The following CTNNBL1 variants were observed in gnomAD, a reference collection of about 807,000 sequenced individuals.
CTNNBL1 encodes the protein catenin beta like 1.
Under a neutral mutation model 72.7 loss-of-function variants are expected in CTNNBL1, and 31 were observed. That is an observed-to-expected ratio of 0.43 (90% confidence interval 0.32 to 0.58). The LOEUF is 0.58. Among genes scored for constraint, CTNNBL1 ranks in the 20% least tolerant of loss-of-function variants. The probability of loss-of-function intolerance (pLI) is 0.08; values close to 1 mark genes in which losing one functional copy is unlikely to be tolerated. For synonymous variants in CTNNBL1, 240 were observed against 267.3 expected (o/e 0.90, Z 1.00); for missense variants, 534 against 725.1 (o/e 0.74, Z 3.03).
intron 3 of CTNNBL1, among the ~76,000 whole-genome samples, chr20:37,743,911 CA>C (rs1233223828): frequency 6.6e-6 from 1 of 151,868 alleles, no homozygotes; most frequent in Non-Finnish European, 1.5e-5. Context: ...GCTCAGGATA[CA>C]TGTAAAATAG....
chr20:37,853,446 C>G (rs952951739), intron 13 of CTNNBL1, among the ~76,000 whole-genome samples: 1 of 152,136 alleles, frequency 6.6e-6, no homozygotes, highest in African/African-American at 2.4e-5. Flanking sequence ...CCTAGCCATC[C>G]GATCATGAGT....
chr20:37,813,101 G>C (rs1262365108), intron 11 of CTNNBL1, among the ~76,000 whole-genome samples: 1 of 152,212 alleles, frequency 6.6e-6, no homozygotes, highest in Non-Finnish European at 1.5e-5. Context: ...CATTGAAAAT[G>C]TTGGGGACGT....
intron 11 of CTNNBL1, among the ~76,000 whole-genome samples, chr20:37,809,438 A>G (rs1291131592): frequency 6.6e-6 from 1 of 152,194 alleles, no homozygotes. Context: ...GAGCCTTACA[A>G]CAGCCCCTCA....
At chr20:37,759,266 C>G (rs2073393836) in intron 5 of CTNNBL1, among the ~76,000 whole-genome samples, 1 of 152,174 alleles carries the variant, frequency 6.6e-6, no homozygotes, top group South Asian at 2.1e-4. Context: ...GTGGCACTTG[C>G]TCCTACTCTG....
At position 37,829,022 on chromosome 20, in the gene CTNNBL1, T is replaced by C. The variant is rs6021202; in HGVS notation, c.1214-11080T>C. Among the ~76,000 whole-genome samples the C allele has an allele frequency of 5.8e-3, 886 of 152,276 alleles. 9 individuals are homozygous for C. Among genetic ancestry groups the C allele is most frequent in the African/African-American group, 0.02 (850 of 41,542 alleles). ...AATCTGTATTCCAACACACCACTGCTGAAGTCAAGATCGATCTAGTTAGGG... is the reference window on the plus strand; with the variant it reads ...AATCTGTATTCCAACACACCACTGCCGAAGTCAAGATCGATCTAGTTAGGG... On this transcript the variant is annotated intron_variant, in intron 11 of 15. Coordinates refer to ENST00000361383, the MANE Select transcript of CTNNBL1 (RefSeq NM_030877.5).
intron 1 of CTNNBL1, among the ~76,000 whole-genome samples, chr20:37,699,728 C>T (rs768262938): frequency 6.6e-6 from 1 of 152,168 alleles, no homozygotes; most frequent in Non-Finnish European, 1.5e-5. Flanking sequence ...GATTCAGTCT[C>T]CTGTGGGACT....
At position 37,838,287 on chromosome 20, in the gene CTNNBL1, A is replaced by C. The variant is rs548392012; in HGVS notation, c.1214-1815A>C. On this transcript the variant is annotated intron_variant, in intron 11 of 15. Coordinates refer to ENST00000361383, the MANE Select transcript of CTNNBL1 (RefSeq NM_030877.5). ...CTCTATGGAGATTAGGCCAAAGGGG[A>C]CAAGGGTGGAAGGAGAGGGACTTAC... 3.9e-5 allele frequency among the ~76,000 whole-genome samples: 6 copies of C among 152,310 alleles called. No individual in the cohort carries two copies. The South Asian group carries it at 1.0e-3, about 26-fold the overall frequency.
chr20:37,719,830 TTTTTC>T (rs747954905), intron 1 of CTNNBL1, among the ~76,000 whole-genome samples: 14 of 151,890 alleles, frequency 9.2e-5, no homozygotes, highest in Admixed American at 3.3e-4. Flanking sequence ...TCTTTTTTTA[TTTTTC>T]TTTTCTTTTC....
chr20:37,786,402 G>T (rs1002689468), intron 10 of CTNNBL1, among the ~76,000 whole-genome samples: 4 of 152,226 alleles, frequency 2.6e-5, no homozygotes, highest in African/African-American at 9.6e-5. Flanking sequence ...GAGAGCCAGA[G>T]CCTGGACTTG....
At chr20:37,697,059 T>C (rs1301304891) in intron 1 of CTNNBL1, among the ~76,000 whole-genome samples, 8 of 151,928 alleles carry the variant, frequency 5.3e-5, no homozygotes, top group Non-Finnish European at 7.4e-5. Context: ...GGTGCATGCC[T>C]GTAATCCCAG....
chr20:37,694,256 C>G (rs1306814429), intron 1 of CTNNBL1, 104 bp downstream of exon 1: 1 of 1,028,276 alleles, frequency 9.7e-7, no homozygotes, highest in Non-Finnish European at 1.4e-6. Flanking sequence ...CTCCCGGGCC[C>G]TCTAACTTCT....
chr20:37,769,370 A>G (rs1213567586), intron 7 of CTNNBL1, among the ~76,000 whole-genome samples: 3 of 152,162 alleles, frequency 2.0e-5, no homozygotes, highest in South Asian at 2.1e-4. Context: ...CAGCTGCCCC[A>G]CTGATTTAGA....
At chr20:37,761,528 T>G (rs551041709) in intron 5 of CTNNBL1, among the ~76,000 whole-genome samples, 1 of 152,366 alleles carries the variant, frequency 6.6e-6, no homozygotes, top group East Asian at 1.9e-4. Context: ...CACCTTCATC[T>G]GTATTTGTTC....
At chr20:37,783,828 C>G (rs1162320913) in intron 10 of CTNNBL1, among the ~76,000 whole-genome samples, 2 of 152,196 alleles carry the variant, frequency 1.3e-5, no homozygotes, top group African/African-American at 4.8e-5. Context: ...AATGTGTATT[C>G]TGCAGCTTTT....
intron 10 of CTNNBL1, among the ~76,000 whole-genome samples, chr20:37,790,638 C>T (rs920904580): frequency 2.0e-5 from 3 of 152,140 alleles, no homozygotes; most frequent in Admixed American, 6.5e-5. Context: ...TCCAGGCTGG[C>T]GTTACCTTTT....
intron 10 of CTNNBL1, among the ~76,000 whole-genome samples, chr20:37,787,430 C>T (rs2073686854): frequency 6.7e-6 from 1 of 150,096 alleles, no homozygotes; most frequent in South Asian, 2.1e-4. Flanking sequence ...CTGCAAGCTC[C>T]GCCTCCCGGG....
intron 3 of CTNNBL1, among the ~76,000 whole-genome samples, chr20:37,738,591 T>G (rs2073189154): frequency 6.6e-6 from 1 of 152,230 alleles, no homozygotes. Context: ...CCCCAGGCAA[T>G]TAACAATTGA....
chr20:37,858,100 G>A (rs570526415), intron 13 of CTNNBL1, among the ~76,000 whole-genome samples: 1 of 152,356 alleles, frequency 6.6e-6, no homozygotes, highest in African/African-American at 2.4e-5. Flanking sequence ...GAGAGGCTAA[G>A]GTGGGAGGAT....
At chr20:37,863,159 G>A (rs2072506291) in intron 15 of CTNNBL1, among the ~76,000 whole-genome samples, 1 of 152,174 alleles carries the variant, frequency 6.6e-6, no homozygotes. Flanking sequence ...GACTAGCTGG[G>A]CACAGTGCTA....
Sources: allele counts gnomAD v4.1 joint callset (sites outside exome capture counted in the v4.1 genomes callset), GRCh38; gene constraint gnomAD v4.1.1; transcripts MANE v1.5; gene names NCBI Gene and HGNC (gene_info 2026-07-23, HGNC 2026-07-21).